SNTG2: variants seen among roughly 807,000 people sequenced by gnomAD.
SNTG2 encodes the protein syntrophin gamma 2.
SNTG2 carries 74 observed loss-of-function variants against 70.9 expected under a neutral mutation model. That is an observed-to-expected ratio of 1.04 (90% CI 0.86 to 1.27). SNTG2 has a LOEUF of 1.27. Among genes scored for constraint, SNTG2 ranks in the 50% most tolerant of loss-of-function variants. SNTG2 has a pLI of 0.00. For missense variants in SNTG2, 717 were observed against 690.7 expected, an observed-to-expected ratio of 1.04 and a Z score of -0.43; for synonymous variants, 278 against 273.8, an observed-to-expected ratio of 1.02 and a Z score of -0.15.
intron 1 of SNTG2, among the ~76,000 whole-genome samples, chr2:977,469 C>T (rs1572183294): frequency 6.6e-6 from 1 of 152,256 alleles, no homozygotes; most frequent in East Asian, 1.9e-4. Context: ...TTCTTCACCA[C>T]CCAGTCCTCT....
At chr2:1,336,554 T>TTTGTCC (rs1659827649) in intron 16 of SNTG2, among the ~76,000 whole-genome samples, 1 of 152,224 alleles carries the variant, frequency 6.6e-6, no homozygotes. Flanking sequence ...CCAAAAATAT[T>TTTGTCC]TTGTCCTATG....
At position 1,101,249 on chromosome 2, in the gene SNTG2, C is replaced by T. The variant is rs529699922; in HGVS notation, c.325+2839C>T. On this transcript the variant is annotated intron_variant, in intron 4 of 16. Coordinates refer to ENST00000308624, the MANE Select transcript of SNTG2 (RefSeq NM_018968.4). ...CCTCCCCCAGCCAGCTTGCCTGTCTCCATCCTCACCACCCCTCCAGGCCCA... is the reference window on the plus strand; with the variant it reads ...CCTCCCCCAGCCAGCTTGCCTGTCTTCATCCTCACCACCCCTCCAGGCCCA... Among the ~76,000 whole-genome samples, 56 of 152,278 alleles carry T rather than the reference C, an allele frequency of 3.7e-4. 1 individual carries two copies. In the South Asian group the frequency reaches 0.011, roughly 31 times the overall value.
intron 1 of SNTG2, among the ~76,000 whole-genome samples, chr2:1,054,959 T>G (rs114501587): frequency 1.8e-4 from 10 of 56,220 alleles, no homozygotes; most frequent in Admixed American, 1.0e-3. Context: ...TTTTGTTTTT[T>G]TTTCCCTATT....
chr2:1,222,200 C>T (rs1053064430), intron 9 of SNTG2, among the ~76,000 whole-genome samples: 9 of 151,006 alleles, frequency 6.0e-5, no homozygotes, highest in Admixed American at 3.3e-4. Context: ...GCCTCTCAGT[C>T]GAGGATCTTT....
At chr2:1,123,338 G>T (rs1667499352) in intron 4 of SNTG2, among the ~76,000 whole-genome samples, 1 of 152,144 alleles carries the variant, frequency 6.6e-6, no homozygotes, top group African/African-American at 2.4e-5. Context: ...AAACAGTATG[G>T]TGTTGGTATA....
chr2:1,277,825 C>T (rs1019936097), intron 14 of SNTG2, among the ~76,000 whole-genome samples: 2 of 152,204 alleles, frequency 1.3e-5, no homozygotes, highest in Admixed American at 1.3e-4. Flanking sequence ...CCAGTGGCTC[C>T]TCAGAGGGCA....
intron 8 of SNTG2, among the ~76,000 whole-genome samples, chr2:1,198,559 T>C (rs1673072402): frequency 6.7e-6 from 1 of 149,444 alleles, no homozygotes; most frequent in African/African-American, 2.5e-5. Flanking sequence ...AAGGGAAAAA[T>C]AATACAGAGA....
chr2:1,258,241 G>T (rs151016583), intron 12 of SNTG2, among the ~76,000 whole-genome samples: 58 of 152,272 alleles, frequency 3.8e-4, no homozygotes, highest in African/African-American at 1.4e-3. Flanking sequence ...AAGAGAAGGG[G>T]TGCTGGAGTT....
At chr2:1,354,859 A>G (rs1472163542) in intron 16 of SNTG2, among the ~76,000 whole-genome samples, 1 of 152,192 alleles carries the variant, frequency 6.6e-6, no homozygotes, top group Non-Finnish European at 1.5e-5. Flanking sequence ...GCAGGTTAAA[A>G]TCTTATTTTT....
chr2:996,681 T>TTTTTTTTTTTTTTTTTTTTTTTG (rs1661696367), intron 1 of SNTG2, among the ~76,000 whole-genome samples: 1 of 119,432 alleles, frequency 8.4e-6, no homozygotes, highest in African/African-American at 3.5e-5. Context: ...CAGTTTTTTT[T>TTTTTTTTTTTTTTTTTTTTTTTG]TTTTTTTTTT....
chr2:1,074,215 G>GC (rs1663771954), intron 1 of SNTG2, among the ~76,000 whole-genome samples: 1 of 152,200 alleles, frequency 6.6e-6, no homozygotes, highest in African/African-American at 2.4e-5. Flanking sequence ...ACCCTCGTCT[G>GC]CCCGGGGGAA....
rs148364333 is a variant in SNTG2 at position 963,997 on chromosome 2, G to A, written c.72+12929G>A. On this transcript the variant is annotated intron_variant, in intron 1 of 16. Transcript: ENST00000308624. ...CAGTTTCAGCTGCCTGCGTTTTCCT[G>A]TCTCTAGTCTCAAGGCTCAGCGATC... Among the ~76,000 whole-genome samples the A allele has an allele frequency of 1.5e-3, 227 of 152,220 alleles. 8 individuals are homozygous for A. The highest frequency in any genetic ancestry group is 3.4e-3 in the Middle Eastern group (1 of 294).
chr2:1,077,028 T>C lies in SNTG2; in HGVS notation c.73-6490T>C, dbSNP rs146422462. ...CTCTTCTGCTTTTCACACATGCTTG[T>C]TATTTTTGGACTCCTTATCAACAGA... is the stretch of plus-strand genomic sequence containing the variant. On this transcript the variant is annotated intron_variant, in intron 1 of 16. Coordinates refer to ENST00000308624, the MANE Select transcript of SNTG2 (RefSeq NM_018968.4). Among the ~76,000 whole-genome samples the C allele has an allele frequency of 9.2e-5, 14 of 152,316 alleles. No homozygotes were observed. The East Asian group carries it at 2.7e-3, about 29-fold the overall frequency.
intron 1 of SNTG2, among the ~76,000 whole-genome samples, chr2:1,065,330 C>A (rs947418902): frequency 6.6e-6 from 1 of 152,122 alleles, no homozygotes; most frequent in African/African-American, 2.4e-5. Flanking sequence ...AGTTAATTGT[C>A]TAAACCATAA....
chr2:1,297,601 G>A (rs1214593966), intron 14 of SNTG2, among the ~76,000 whole-genome samples: 2 of 151,848 alleles, frequency 1.3e-5, no homozygotes, highest in African/African-American at 2.4e-5. Flanking sequence ...CCAGCCCGTC[G>A]CCTCTGCAGC....
intron 8 of SNTG2, among the ~76,000 whole-genome samples, chr2:1,191,124 T>C (rs144616508): frequency 5.6e-4 from 85 of 152,288 alleles, no homozygotes; most frequent in African/African-American, 2.0e-3. Context: ...CTTAATTGCA[T>C]TGGGCCCTAG....
intron 9 of SNTG2, among the ~76,000 whole-genome samples, chr2:1,227,771 C>A (rs894730997): frequency 6.6e-6 from 1 of 152,236 alleles, no homozygotes; most frequent in Non-Finnish European, 1.5e-5. Flanking sequence ...GTTTTACAGT[C>A]AACTTGTATA....
intron 1 of SNTG2, among the ~76,000 whole-genome samples, chr2:958,285 A>G (rs1253985314): frequency 6.6e-6 from 1 of 152,242 alleles, no homozygotes; most frequent in Admixed American, 6.5e-5. Flanking sequence ...AACAACAGGA[A>G]TTAGGAAATC....
chr2:1,111,691 T>C (rs1331302457), intron 4 of SNTG2, among the ~76,000 whole-genome samples: 1 of 152,250 alleles, frequency 6.6e-6, no homozygotes, highest in Non-Finnish European at 1.5e-5. Context: ...ATTTCCCTGT[T>C]ATCAATGATA....
Sources: gnomAD v4.1 joint callset for allele counts (sites outside exome capture counted in the v4.1 genomes callset) on GRCh38, gnomAD v4.1.1 for gene constraint, MANE v1.5 for transcripts, NCBI Gene and HGNC (gene_info 2026-07-23, HGNC 2026-07-21) for gene names.